CLSTN1: variants seen among roughly 807,000 people sequenced by gnomAD.
CLSTN1 encodes the protein calsyntenin-1.
Under a neutral mutation model 108.3 loss-of-function variants are expected in CLSTN1, and 28 were observed. The ratio of observed to expected loss-of-function variants is 0.26; its 90% CI spans 0.19 to 0.35. The LOEUF is 0.35. Ranked by LOEUF, CLSTN1 falls within the 10% of genes least tolerant of loss-of-function variation. The probability of loss-of-function intolerance (pLI) is 1.00; values close to 1 mark genes in which losing one functional copy is unlikely to be tolerated. For missense variants in CLSTN1, 1,157 were observed against 1,302.6 expected (o/e 0.89, Z 1.72); for synonymous variants, 524 against 534.9 (o/e 0.98, Z 0.28).
intron 1 of CLSTN1, among the ~76,000 whole-genome samples, chr1:9,818,396 T>C (rs1163053315): frequency 6.6e-6 from 1 of 151,470 alleles, no homozygotes; most frequent in East Asian, 1.9e-4. Flanking sequence ...CGGTGTGATC[T>C]CGGCTCACTA....
chr1:9,782,474 A>T (rs983205988), intron 1 of CLSTN1, among the ~76,000 whole-genome samples: 1 of 152,214 alleles, frequency 6.6e-6, no homozygotes. Context: ...TGAATGTATT[A>T]ATTTAAAACT....
At chr1:9,764,637 T>TAAAAAAAAAAAAA (rs70998307) in intron 2 of CLSTN1, among the ~76,000 whole-genome samples, 3 of 82,334 alleles carry the variant, frequency 3.6e-5, no homozygotes, top group Non-Finnish European at 4.6e-5. Context: ...GCTCCATCTT[T>TAAAAAAAAAAAAA]AAAAAAAAAA....
intron 1 of CLSTN1, among the ~76,000 whole-genome samples, chr1:9,822,886 A>G (rs546365307): frequency 6.6e-6 from 1 of 152,324 alleles, no homozygotes; most frequent in Non-Finnish European, 1.5e-5. Flanking sequence ...GGTCTAAATG[A>G]CCGTCAGAAA....
chr1:9,802,092 T>C (rs1654296489), intron 1 of CLSTN1, among the ~76,000 whole-genome samples: 1 of 152,136 alleles, frequency 6.6e-6, no homozygotes, highest in South Asian at 2.1e-4. Context: ...CTGAGGCATG[T>C]AGAGATTAAG....
At chr1:9,813,184 T>C (rs1654834997) in intron 1 of CLSTN1, among the ~76,000 whole-genome samples, 1 of 150,788 alleles carries the variant, frequency 6.6e-6, no homozygotes, top group Admixed American at 6.6e-5. Context: ...AAGAAAAACC[T>C]GTTGCCATCT....
chr1:9,739,099 G>A (rs1017878366), intron 10 of CLSTN1, among the ~76,000 whole-genome samples: 2 of 152,116 alleles, frequency 1.3e-5, no homozygotes, highest in African/African-American at 4.8e-5. Context: ...GAACCTCTGG[G>A]GTAACCTGAG....
intron 4 of CLSTN1, among the ~76,000 whole-genome samples, chr1:9,752,426 G>A (rs1570453261): frequency 1.3e-5 from 2 of 152,174 alleles, no homozygotes; most frequent in South Asian, 4.1e-4. Context: ...TTACACTGTG[G>A]AAAAAGAGAA....
chr1:9,791,208 C>T lies in CLSTN1; in HGVS notation c.92-17814G>A, dbSNP rs551546255. ...TAAACCTGGCTTAAATATAGCAACC[C>T]TAAAGCTGAAAGACAAAGAATTTGA... On this transcript the variant is annotated intron_variant, in intron 1 of 18. Transcript: ENST00000377298. Among the ~76,000 whole-genome samples the T allele has an allele frequency of 2.0e-5, 3 of 150,718 alleles. 1 individual carries two copies. In the South Asian group the frequency reaches 6.6e-4, roughly 33 times the overall value.
rs772430023 is a variant in CLSTN1 at position 9,744,660 on chromosome 1, C to T, written c.986-17G>A. Reference sequence around the variant, plus strand: ...CGGCCGCACCTGAAGCCACAGTGCTCGGTGAAACTCATGTGAGGAGCCAGA... The same window carrying T: ...CGGCCGCACCTGAAGCCACAGTGCTTGGTGAAACTCATGTGAGGAGCCAGA... On this transcript the variant is annotated splice_polypyrimidine_tract_variant and intron_variant, in intron 7 of 18. Transcript: ENST00000377298. The T allele has an allele frequency of 1.1e-5, 17 of 1,596,556 alleles. No homozygotes were observed. Among genetic ancestry groups the T allele is most frequent in the Middle Eastern group, 1.9e-4 (1 of 5,328 alleles).
chr1:9,818,429 A>G (rs750966600), intron 1 of CLSTN1, among the ~76,000 whole-genome samples: 2 of 150,592 alleles, frequency 1.3e-5, no homozygotes, highest in African/African-American at 4.9e-5. Context: ...CCCGAGTTCA[A>G]GCAATTCTCT....
intron 1 of CLSTN1, among the ~76,000 whole-genome samples, chr1:9,793,399 G>A (rs1377404232): frequency 2.0e-5 from 3 of 151,444 alleles, no homozygotes; most frequent in East Asian, 2.0e-4. Context: ...GCTGTGGGCC[G>A]TAATGGGGCG....
rs890072570 is a variant in CLSTN1 at position 9,729,381 on chromosome 1, G to C, written c.*1127C>G. 5.9e-5 allele frequency: 9 copies of C among 152,640 alleles called. No individual in the cohort carries two copies. Among genetic ancestry groups the C allele is most frequent in the Non-Finnish European group, 1.3e-4 (9 of 68,038 alleles). 9.5% of individuals were successfully genotyped at this position (152,640 alleles called of 1,614,324 possible). A position where few individuals can be genotyped will look rare whatever the true frequency, so the allele number is the denominator to read the frequency against. ...GCCCTACCACCAAGCAAAGCAGCAGGGCTCCTGGGGGAGAGGGATTTCAAC... is the reference window on the plus strand; with the variant it reads ...GCCCTACCACCAAGCAAAGCAGCAGCGCTCCTGGGGGAGAGGGATTTCAAC... On this transcript the variant is annotated 3_prime_UTR_variant, in exon 19 of 19. Transcript: ENST00000377298.
At chr1:9,746,892 GAGTA>G (rs1557696137) in intron 7 of CLSTN1, among the ~76,000 whole-genome samples, 1 of 151,964 alleles carries the variant, frequency 6.6e-6, no homozygotes, top group Non-Finnish European at 1.5e-5. Context: ...GAAGTACCTG[GAGTA>G]AGGCCAGGCG....
intron 1 of CLSTN1, among the ~76,000 whole-genome samples, chr1:9,815,867 C>T (rs1488969739): frequency 2.6e-5 from 4 of 152,210 alleles, no homozygotes; most frequent in South Asian, 2.1e-4. Flanking sequence ...ACCCAGGAGG[C>T]GGAGGCTGCA....
Position 9,730,770 on chromosome 1 carries a change from T to C in CLSTN1, c.2749-65A>G. ...CCCACAGCCCCGTCACCTGGCATTC[T>C]CCTCTCGACAGCCACAGAGGAAGGA... On this transcript the variant is annotated intron_variant, in intron 18 of 18. Transcript: ENST00000377298. This position sits in a 1 kb window ranked among gnomAD's most constrained non-coding sequence, Gnocchi z 5.6. 1 of 1,435,800 alleles carries C rather than the reference T, an allele frequency of 7.0e-7. No homozygotes were observed. The allele number at this position is 1,435,800 out of a possible 1,614,324, so 88.9% of individuals were successfully genotyped here. A position where few individuals can be genotyped will look rare whatever the true frequency, so the allele number is the denominator to read the frequency against.
At chr1:9,789,649 A>G (rs1005133835) in intron 1 of CLSTN1, among the ~76,000 whole-genome samples, 1 of 151,554 alleles carries the variant, frequency 6.6e-6, no homozygotes, top group Non-Finnish European at 1.5e-5. Context: ...CTCTTTTTAA[A>G]ACTAACCATA....
rs373625741 is a variant in CLSTN1, at chr1:9,730,640, G to A, written c.2814C>T (p.Asp938=). The change falls in exon 19 of 19, where the codon GAC becomes GAT. Residue 938 remains aspartate (D), a synonymous_variant. Coordinates refer to ENST00000377298, the MANE Select transcript of CLSTN1 (RefSeq NM_001009566.3). This position sits in a 1 kb window ranked among gnomAD's most constrained non-coding sequence, Gnocchi z 5.6. The part of the protein sequence containing the change: ...EEEEEEEESE[D]GEEEDDITSA... ...TGGTGATGTCATCCTCTTCTTCGCCGTCCTCGCTTTCCTCTTCCTCTTCCT... is the reference window on the plus strand; with the variant it reads ...TGGTGATGTCATCCTCTTCTTCGCCATCCTCGCTTTCCTCTTCCTCTTCCT... The A allele has an allele frequency of 1.7e-5, 28 of 1,610,240 alleles. No individual in the cohort carries two copies. Among genetic ancestry groups the A allele is most frequent in the East Asian group, 4.5e-5 (2 of 44,880 alleles).
intron 3 of CLSTN1, 72 bp from the exon 4 acceptor site, chr1:9,755,381 A>C: frequency 4.9e-6 from 6 of 1,233,998 alleles, no homozygotes; most frequent in Non-Finnish European, 6.9e-6. Context: ...TCCTCCCCCC[A>C]TCTCCACCCC....
Position 9,804,762 on chromosome 1 carries a change from G to C in CLSTN1, c.91+18881C>G, listed in dbSNP as rs970922210. ...TGAAAGGATCACCTGAGTTCGGAAA[G>C]TCAAGGCTGCAGTGAGCCGAGTTTA... On this transcript the variant is annotated intron_variant, in intron 1 of 18. Coordinates refer to ENST00000377298, the MANE Select transcript of CLSTN1 (RefSeq NM_001009566.3). Among the ~76,000 whole-genome samples, 6 of 152,196 alleles carry C rather than the reference G, an allele frequency of 3.9e-5. 1 individual carries two copies. The highest frequency in any genetic ancestry group is 8.8e-5 in the Non-Finnish European group (6 of 68,044).
Sources: gnomAD v4.1 joint callset for allele counts (sites outside exome capture counted in the v4.1 genomes callset) on GRCh38, gnomAD v4.1.1 for gene constraint, Gnocchi (gnomAD v3.1) non-coding constraint, MANE v1.5 for transcripts, NCBI Gene and HGNC (gene_info 2026-07-23, HGNC 2026-07-21) for gene names.